Variants in PDE10A observed in about 807,000 individuals in gnomAD.
The protein encoded by PDE10A is cAMP and cAMP-inhibited cGMP 3',5'-cyclic phosphodiesterase 10A.
A neutral mutation model predicts 97.7 loss-of-function variants in PDE10A; 39 were observed. The observed-to-expected ratio is 0.40, with a 90% CI of 0.31 to 0.52. PDE10A has a LOEUF of 0.52. Ranked by LOEUF, PDE10A falls within the 20% of genes least tolerant of loss-of-function variation. The probability of loss-of-function intolerance (pLI) is 0.56; values close to 1 mark genes in which losing one functional copy is unlikely to be tolerated. For missense variants in PDE10A, 731 were observed against 1,047.8 expected, an observed-to-expected ratio of 0.70 and a Z score of 4.17; for synonymous variants, 371 against 376.8, an observed-to-expected ratio of 0.98 and a Z score of 0.18.
chr6:165,619,258 TGTAGTGTAGTCTAGC>T lies in PDE10A; in HGVS notation c.865+42674_865+42688del, dbSNP rs1338705152. 2.5e-4 allele frequency among the ~76,000 whole-genome samples: 38 copies of T among 149,174 alleles called. 3 individuals are homozygous for T. The highest frequency in any genetic ancestry group is 9.5e-4 in the African/African-American group (37 of 39,046). ...ACTAGTGTGGTGTAGTGTAGTCTAGTGTAGTGTAGTCTAGCGTAGTGTAGTCTAGCATAGTCTAGT... is the reference window on the plus strand; with the variant it reads ...ACTAGTGTGGTGTAGTGTAGTCTAGTGTAGTGTAGTCTAGCATAGTCTAGT... On this transcript the variant is annotated intron_variant, in intron 1 of 21. Transcript: ENST00000539869.
chr6:165,886,637 A>G lies in PDE10A; in HGVS notation c.-615+100892T>C, dbSNP rs12664232. ...TTGGCCTTGCTTTTTTGAAGGGAAA[A>G]TATGTCCCATCGAGAATCTGTATCA... On this transcript the variant is annotated intron_variant, in intron 1 of 19. Coordinates refer to the PDE10A transcript ENST00000366882. Among the ~76,000 whole-genome samples the G allele has an allele frequency of 6.2e-3, 944 of 152,346 alleles. 21 individuals carry two copies. The East Asian group carries it at 0.067, about 11-fold the overall frequency.
chr6:165,523,350 C>A (rs939964403), intron 2 of PDE10A, among the ~76,000 whole-genome samples: 2 of 152,116 alleles, frequency 1.3e-5, no homozygotes, highest in African/African-American at 4.8e-5. Context: ...GGAGGCATCA[C>A]ACTATCCAAT....
At chr6:165,543,078 C>G (rs1192176199) in intron 2 of PDE10A, among the ~76,000 whole-genome samples, 2 of 151,972 alleles carry the variant, frequency 1.3e-5, no homozygotes, top group Non-Finnish European at 2.9e-5. Flanking sequence ...ATAGACTTAT[C>G]TTTGTAAAAT....
intron 1 of PDE10A, among the ~76,000 whole-genome samples, chr6:165,933,301 T>C (rs750020374): frequency 2.2e-4 from 34 of 152,294 alleles, no homozygotes; most frequent in Non-Finnish European, 3.7e-4. Context: ...TGAGAAAAGC[T>C]TGATGGACCC....
At chr6:165,557,645 A>G (rs1440892525) in intron 1 of PDE10A, among the ~76,000 whole-genome samples, 1 of 152,196 alleles carries the variant, frequency 6.6e-6, no homozygotes, top group Non-Finnish European at 1.5e-5. Context: ...CTTCTTTGCT[A>G]GCAAATATAC....
chr6:165,959,865 A>G (rs1031175263), intron 1 of PDE10A, among the ~76,000 whole-genome samples: 1 of 152,136 alleles, frequency 6.6e-6, no homozygotes, highest in Non-Finnish European at 1.5e-5. Flanking sequence ...CAGGCACCAA[A>G]CACCATGACC....
Position 165,541,817 on chromosome 6 carries a change from T to G in PDE10A, c.994+1623A>C, listed in dbSNP as rs180781841. Reference sequence around the variant, plus strand: ...CTGATTTATTATTTCTCTTCTCCCCTCCCTCTCAATCCACACTTACAGGCA... The same window carrying G: ...CTGATTTATTATTTCTCTTCTCCCCGCCCTCTCAATCCACACTTACAGGCA... On this transcript the variant is annotated intron_variant, in intron 2 of 21. Transcript: ENST00000539869. 5.3e-3 allele frequency among the ~76,000 whole-genome samples: 802 copies of G among 152,124 alleles called. 10 individuals carry two copies. The highest frequency in any genetic ancestry group is 0.019 in the African/African-American group (772 of 41,504).
At chr6:165,834,457 G>A (rs1000400658) in intron 1 of PDE10A, among the ~76,000 whole-genome samples, 4 of 152,308 alleles carry the variant, frequency 2.6e-5, no homozygotes, top group South Asian at 2.1e-4. Context: ...TATCCTTCCC[G>A]CCTGGGAGTG....
chr6:165,838,236 A>C (rs1170843145), intron 1 of PDE10A, among the ~76,000 whole-genome samples: 1 of 152,214 alleles, frequency 6.6e-6, no homozygotes, highest in Non-Finnish European at 1.5e-5. Context: ...CATTTCCTGT[A>C]GTTACTGAAA....
In PDE10A at chr6:165,943,230, AGAAAGAAG is replaced by A. The variant is rs1423344911; in HGVS notation, c.-615+44291_-615+44298del. 9.1e-3 allele frequency among the ~76,000 whole-genome samples: 363 copies of A among 40,034 alleles called. 5 individuals are homozygous for A. The highest frequency in any genetic ancestry group is 0.024 in the South Asian group (29 of 1,202). 26.3% of individuals were successfully genotyped at this position (40,034 alleles called of 152,430 possible). On this transcript the variant is annotated intron_variant, in intron 1 of 19. Transcript: ENST00000366882. The stretch of plus-strand genomic sequence containing the variant: ...AAGAAAGAAAGAAAGAAAGAAAGAA[AGAAAGAAG>A]GAAGGAAGGAAGGAAGGAAGGAAGG...
intron 1 of PDE10A, among the ~76,000 whole-genome samples, chr6:165,722,853 T>G (rs1472245842): frequency 6.6e-6 from 1 of 150,568 alleles, no homozygotes; most frequent in Non-Finnish European, 1.5e-5. Flanking sequence ...TTATAAATCC[T>G]TAAATAAAAT....
chr6:165,653,978 T>C (rs1278988075), intron 1 of PDE10A, among the ~76,000 whole-genome samples: 1 of 152,126 alleles, frequency 6.6e-6, no homozygotes, highest in Non-Finnish European at 1.5e-5. Flanking sequence ...CCAGGCTCTC[T>C]CCTCTCTGGA....
chr6:165,615,809 T>C (rs574094092), intron 1 of PDE10A, among the ~76,000 whole-genome samples: 2 of 152,342 alleles, frequency 1.3e-5, no homozygotes, highest in East Asian at 1.9e-4. Flanking sequence ...GTCTGCACCA[T>C]GTCAGCCCTG....
chr6:165,657,823 T>C (rs1252841018), intron 1 of PDE10A, among the ~76,000 whole-genome samples: 1 of 152,226 alleles, frequency 6.6e-6, no homozygotes, highest in Non-Finnish European at 1.5e-5. Flanking sequence ...TCCTTTCTGA[T>C]TTCCTTACCA....
At chr6:165,911,984 AAT>A (rs138188072) in intron 1 of PDE10A, among the ~76,000 whole-genome samples, 33 of 147,882 alleles carry the variant, frequency 2.2e-4, no homozygotes, top group Middle Eastern at 3.5e-3. Flanking sequence ...GGGAAGTCTA[AAT>A]ATATATATAT....
chr6:165,347,449 C>A (rs1295001884), intron 18 of PDE10A, among the ~76,000 whole-genome samples: 3 of 152,074 alleles, frequency 2.0e-5, no homozygotes, highest in East Asian at 3.8e-4. Flanking sequence ...TTTAAAAATA[C>A]ATTTTTTCCA....
intron 1 of PDE10A, among the ~76,000 whole-genome samples, chr6:165,809,006 G>A (rs1779209118): frequency 1.3e-5 from 2 of 152,290 alleles, no homozygotes; most frequent in South Asian, 4.2e-4. Context: ...CATTAAGGAG[G>A]TAAATAACCC....
intron 2 of PDE10A, among the ~76,000 whole-genome samples, chr6:165,517,453 G>A (rs9364797): frequency 0.69 from 105,524 of 152,066 alleles, 39,360 homozygotes; most frequent in Non-Finnish European, 0.82. Flanking sequence ...TCATTCTAAA[G>A]TATTATTTAA....
intron 1 of PDE10A, among the ~76,000 whole-genome samples, chr6:165,634,966 C>A (rs933700022): frequency 1.3e-5 from 2 of 152,160 alleles, no homozygotes; most frequent in African/African-American, 4.8e-5. Flanking sequence ...ATTTATATAG[C>A]GACCATCGCT....
Sources: allele counts gnomAD v4.1 joint callset (sites outside exome capture counted in the v4.1 genomes callset), GRCh38; gene constraint gnomAD v4.1.1; transcripts MANE v1.5; gene names NCBI Gene and HGNC (gene_info 2026-07-23, HGNC 2026-07-21).